The following SLC28A1 variants were observed in gnomAD, a reference collection of about 807,000 sequenced individuals.
The protein encoded by SLC28A1 is solute carrier family 28 member 1, also known as sodium/nucleoside cotransporter 1.
In SLC28A1, 64 loss-of-function variants were observed where a neutral mutation model predicts 74.8. That is an observed-to-expected ratio of 0.86 (90% confidence interval 0.70 to 1.05). The LOEUF is 1.05. Ranked by LOEUF, SLC28A1 falls within the 50% of genes least tolerant of loss-of-function variation. The pLI is 0.00. For synonymous variants in SLC28A1, 359 were observed against 335.0 expected, an observed-to-expected ratio of 1.07 and a Z score of -0.78; for missense variants, 828 against 822.8, an observed-to-expected ratio of 1.01 and a Z score of -0.08.
chr15:84,945,471 G>T lies in SLC28A1; in HGVS notation c.*271G>T, dbSNP rs74024768. On this transcript the variant is annotated 3_prime_UTR_variant, in exon 19 of 19. Transcript: ENST00000394573. The stretch of plus-strand genomic sequence containing the variant: ...CTCAGGGTCACTTCTGCCTCCTCCC[G>T]TTTCCCCTCCACATCCAAACAGCAC... The T allele has an allele frequency of 2.1e-6, 1 of 467,384 alleles. No homozygotes were observed. Among genetic ancestry groups the T allele is most frequent in the Non-Finnish European group, 3.9e-6 (1 of 253,988 alleles). 29.0% of individuals were successfully genotyped at this position (467,384 alleles called of 1,614,324 possible). A position where few individuals can be genotyped will look rare whatever the true frequency, so the allele number is the denominator to read the frequency against.
chr15:84,947,320 C>A (rs2079265956), downstream of SLC28A1, among the ~76,000 whole-genome samples: 1 of 152,220 alleles, frequency 6.6e-6, no homozygotes, highest in Non-Finnish European at 1.5e-5. Context: ...AGTCCTCTCC[C>A]AGGATTGGCC....
intron 9 of SLC28A1, among the ~76,000 whole-genome samples, chr15:84,916,243 T>TGAGCCACCA (rs1969088475): frequency 2.4e-5 from 2 of 81,694 alleles, no homozygotes; most frequent in Admixed American, 2.2e-4. Flanking sequence ...GGGATTACTT[T>TGAGCCACCA]TTTTTTTTTT....
chr15:84,926,536 C>A, intron 12 of SLC28A1: 1 of 455,214 alleles, frequency 2.2e-6, no homozygotes, highest in Non-Finnish European at 4.4e-6. Flanking sequence ...TCCCTTTGAT[C>A]CAGCTAGAAA....
At chr15:84,918,479 C>A in intron 9 of SLC28A1, 45 bp from the exon 10 acceptor site, 1 of 1,525,136 alleles carries the variant, frequency 6.6e-7, no homozygotes, top group Non-Finnish European at 9.1e-7. Context: ...CACCCTGCAT[C>A]CTGCCTGCCT....
At chr15:84,931,827 C>T (rs147258979) in intron 12 of SLC28A1, among the ~76,000 whole-genome samples, 89 of 151,324 alleles carry the variant, frequency 5.9e-4, no homozygotes, top group African/African-American at 1.7e-3. Context: ...CACGGTGAAA[C>T]GCCATCTCTA....
chr15:84,946,850 C>T (rs1363158346), downstream of SLC28A1, among the ~76,000 whole-genome samples: 2 of 152,180 alleles, frequency 1.3e-5, no homozygotes, highest in Non-Finnish European at 1.5e-5. Context: ...GCCTGCCCTG[C>T]TCCCATCTCA....
chr15:84,908,597 G>A (rs974506556), intron 8 of SLC28A1, 121 bp from the exon 9 acceptor site: 40 of 752,064 alleles, frequency 5.3e-5, no homozygotes, highest in Middle Eastern at 2.4e-4. Context: ...GCCCCCCCCC[G>A]GATAAGGGCC....
intron 10 of SLC28A1, among the ~76,000 whole-genome samples, chr15:84,918,963 T>G (rs1969474246): frequency 1.3e-5 from 2 of 150,636 alleles, no homozygotes; most frequent in Non-Finnish European, 2.9e-5. Flanking sequence ...GGCCCATACC[T>G]TCCCTGAATC....
At chr15:84,919,228 G>C (rs886187190) in intron 10 of SLC28A1, among the ~76,000 whole-genome samples, 2 of 152,194 alleles carry the variant, frequency 1.3e-5, no homozygotes, top group African/African-American at 4.8e-5. Flanking sequence ...CAGATCCTGT[G>C]CTTATGTTCA....
At chr15:84,938,666 G>A (rs1307621705) in intron 15 of SLC28A1, 1 of 151,996 alleles carries the variant, frequency 6.6e-6, no homozygotes, top group Non-Finnish European at 1.5e-5. Context: ...GACATGTAGT[G>A]AGAGACACAG....
Position 84,945,310 on chromosome 15 carries a change from A to G in SLC28A1, c.*110A>G. 1.0e-6 allele frequency: 1 copy of G among 983,860 alleles called. No individual in the cohort carries two copies. The highest frequency in any genetic ancestry group is 1.3e-5 in the South Asian group (1 of 74,350). The allele number at this position is 983,860 out of a possible 1,614,324, so 60.9% of individuals were successfully genotyped here. ...CCTCTTCAGGGAAGCCACAGGACTT[A>G]GACCCAGCTCAATCCCACAATTGGG... is the stretch of plus-strand genomic sequence containing the variant. On this transcript the variant is annotated 3_prime_UTR_variant, in exon 19 of 19. Coordinates refer to ENST00000394573, the MANE Select transcript of SLC28A1 (RefSeq NM_004213.5).
chr15:84,906,516 G>GTTTCTTTCTTTCTTTCTTTC (rs1344789607), intron 8 of SLC28A1, among the ~76,000 whole-genome samples: 3 of 71,028 alleles, frequency 4.2e-5, no homozygotes, highest in African/African-American at 2.4e-4. Context: ...TTGTTTGTTT[G>GTTTCTTTCTTTCTTTCTTTC]TTTGTTTGTT....
intron 11 of SLC28A1, among the ~76,000 whole-genome samples, chr15:84,923,399 G>A (rs931340460): frequency 2.6e-5 from 4 of 152,122 alleles, no homozygotes; most frequent in African/African-American, 4.8e-5. Flanking sequence ...ATGAAGGCAG[G>A]GACTTTATCC....
At chr15:84,922,699 CTG>C (rs1239474959) in intron 11 of SLC28A1, among the ~76,000 whole-genome samples, 1 of 152,266 alleles carries the variant, frequency 6.6e-6, no homozygotes, top group Non-Finnish European at 1.5e-5. Context: ...CCTAGCCCCT[CTG>C]TGGCCCACCT....
At chr15:84,923,500 G>A (rs770697353) in intron 11 of SLC28A1, among the ~76,000 whole-genome samples, 35 of 152,098 alleles carry the variant, frequency 2.3e-4, no homozygotes, top group Non-Finnish European at 4.3e-4. Context: ...GAAGGGCTTC[G>A]GGCTGCCCAG....
At chr15:84,963,080 G>A in the SLC28A1 span, among the ~76,000 whole-genome samples, 1 of 152,222 alleles carries the variant, frequency 6.6e-6, no homozygotes, top group Admixed American at 6.5e-5. Flanking sequence ...GCAAAATCTT[G>A]AGAATGGGGG....
At chr15:84,899,263 A>C (rs980370297) in intron 6 of SLC28A1, among the ~76,000 whole-genome samples, 9 of 152,224 alleles carry the variant, frequency 5.9e-5, no homozygotes, top group African/African-American at 2.2e-4. Context: ...GAAAAAATTC[A>C]AACAGAGCAT....
intron 6 of SLC28A1, among the ~76,000 whole-genome samples, chr15:84,902,333 A>G (rs1478714441): frequency 6.6e-6 from 1 of 152,158 alleles, no homozygotes; most frequent in Non-Finnish European, 1.5e-5. Context: ...TACAAAAATT[A>G]GCTGGGCATG....
intron 10 of SLC28A1, 147 bp from the exon 11 acceptor site, chr15:84,920,842 A>C (rs546607403): frequency 1.4e-6 from 1 of 720,894 alleles, no homozygotes; most frequent in Non-Finnish European, 2.5e-6. Context: ...GAAGAAGATG[A>C]ATGGACCTTT....
Sources: gnomAD v4.1 joint callset for allele counts (sites outside exome capture counted in the v4.1 genomes callset) on GRCh38, gnomAD v4.1.1 for gene constraint, MANE v1.5 for transcripts, NCBI Gene and HGNC (gene_info 2026-07-23, HGNC 2026-07-21) for gene names.